CACNA2D1: variants seen among roughly 807,000 people sequenced by gnomAD.
CACNA2D1 encodes calcium voltage-gated channel auxiliary subunit alpha2delta 1.
Under a neutral mutation model 171.5 loss-of-function variants are expected in CACNA2D1, and 53 were observed. The ratio of observed to expected loss-of-function variants is 0.31; its 90% confidence interval spans 0.25 to 0.39. CACNA2D1 has a LOEUF of 0.39. Among genes scored for constraint, CACNA2D1 ranks in the 10% least tolerant of loss-of-function variants. The pLI is 1.00. For missense variants in CACNA2D1, 903 were observed against 1,299.8 expected, an observed-to-expected ratio of 0.69 and a Z score of 4.69; for synonymous variants, 442 against 443.1, an observed-to-expected ratio of 1.00 and a Z score of 0.03.
intron 4 of CACNA2D1, among the ~76,000 whole-genome samples, chr7:82,146,789 A>G (rs919890124): frequency 6.6e-6 from 1 of 150,962 alleles, no homozygotes; most frequent in Non-Finnish European, 1.5e-5. Context: ...GAATTTGACA[A>G]CAGCCTGGCC....
chr7:81,982,890 A>G (rs1234973444), intron 23 of CACNA2D1: 1 of 556,170 alleles, frequency 1.8e-6, no homozygotes, highest in Non-Finnish European at 3.2e-6. Context: ...TTTCTGATCT[A>G]ACCCTACTAT....
intron 38 of CACNA2D1, among the ~76,000 whole-genome samples, chr7:81,955,980 A>ATATATT (rs58075516): frequency 8.7e-4 from 30 of 34,554 alleles, no homozygotes; most frequent in South Asian, 1.5e-3. Flanking sequence ...ATATATATAT[A>ATATATT]TTTTTTTTTT....
intron 1 of CACNA2D1, among the ~76,000 whole-genome samples, chr7:82,429,166 T>C (rs1259852953): frequency 1.3e-5 from 2 of 152,240 alleles, no homozygotes; most frequent in South Asian, 2.1e-4. Flanking sequence ...TAATGTTTTC[T>C]AAATGTATAT....
chr7:82,162,577 T>A (rs1157377067), intron 4 of CACNA2D1, among the ~76,000 whole-genome samples: 1 of 152,052 alleles, frequency 6.6e-6, no homozygotes, highest in Non-Finnish European at 1.5e-5. Context: ...AGCTACAAAC[T>A]TCTTAAGAAC....
At chr7:82,212,623 G>T (rs1463419747) in intron 3 of CACNA2D1, among the ~76,000 whole-genome samples, 2 of 152,188 alleles carry the variant, frequency 1.3e-5, no homozygotes, top group African/African-American at 4.8e-5. Context: ...AGATATGGAT[G>T]CATTTTATGT....
intron 3 of CACNA2D1, among the ~76,000 whole-genome samples, chr7:82,223,274 G>A (rs1442080849): frequency 6.6e-6 from 1 of 152,048 alleles, no homozygotes; most frequent in African/African-American, 2.4e-5. Context: ...AAGAAGTTTT[G>A]TACTTCCAAA....
At chr7:82,248,978 G>A (rs962031890) in intron 3 of CACNA2D1, among the ~76,000 whole-genome samples, 4 of 151,984 alleles carry the variant, frequency 2.6e-5, no homozygotes, top group East Asian at 1.9e-4. Flanking sequence ...TTAGCTGGGC[G>A]TGGTGGCAGG....
chr7:82,005,880 T>A, intron 16 of CACNA2D1, 41 bp from the exon 17 acceptor site: 2 of 1,060,452 alleles, frequency 1.9e-6, no homozygotes, highest in Non-Finnish European at 3.0e-6. Context: ...ATGTCAAAAA[T>A]TTACGTATTT....
chr7:81,982,844 C>T (rs1357223139), intron 23 of CACNA2D1: 1 of 611,866 alleles, frequency 1.6e-6, no homozygotes, highest in Non-Finnish European at 2.9e-6. Flanking sequence ...ACATGGATCC[C>T]CACAGTTATT....
At chr7:82,233,668 A>G (rs766352886) in intron 3 of CACNA2D1, among the ~76,000 whole-genome samples, 1 of 152,116 alleles carries the variant, frequency 6.6e-6, no homozygotes, top group Non-Finnish European at 1.5e-5. Flanking sequence ...CGCATACTAT[A>G]CAGGACCTTT....
intron 1 of CACNA2D1, among the ~76,000 whole-genome samples, chr7:82,440,673 A>C (rs1830433516): frequency 6.6e-6 from 1 of 151,892 alleles, no homozygotes; most frequent in Non-Finnish European, 1.5e-5. Context: ...GAACAGGTTA[A>C]CTACTACTTT....
intron 4 of CACNA2D1, among the ~76,000 whole-genome samples, chr7:82,160,251 G>A (rs55839057): frequency 1.3e-5 from 2 of 151,178 alleles, no homozygotes; most frequent in Non-Finnish European, 3.0e-5. Context: ...GAAAAGGCCA[G>A]ATATTCTTAA....
intron 3 of CACNA2D1, among the ~76,000 whole-genome samples, chr7:82,298,775 A>C (rs570899919): frequency 7.2e-5 from 11 of 152,124 alleles, no homozygotes; most frequent in Admixed American, 1.3e-4. Flanking sequence ...TTAATAAGTA[A>C]AAATAGGCCG....
chr7:82,018,085 T>C (rs1380702497), intron 12 of CACNA2D1, among the ~76,000 whole-genome samples: 2 of 152,206 alleles, frequency 1.3e-5, no homozygotes, highest in Non-Finnish European at 2.9e-5. Flanking sequence ...TCTTTCAAAA[T>C]GTTTGCTTCT....
intron 1 of CACNA2D1, 45 bp downstream of exon 1, chr7:82,443,320 G>C: frequency 6.6e-7 from 1 of 1,513,470 alleles, no homozygotes; most frequent in Non-Finnish European, 8.9e-7. Flanking sequence ...CCCAACTCCC[G>C]CGGCGCCCCT....
chr7:81,980,938 G>T (rs1008042989), intron 24 of CACNA2D1, among the ~76,000 whole-genome samples: 6 of 152,178 alleles, frequency 3.9e-5, no homozygotes, highest in Non-Finnish European at 8.8e-5. Flanking sequence ...TTATTTATAA[G>T]ATGCTAAATC....
intron 12 of CACNA2D1, among the ~76,000 whole-genome samples, chr7:82,031,451 T>G (rs972145206): frequency 1.3e-5 from 2 of 151,920 alleles, no homozygotes; most frequent in African/African-American, 4.8e-5. Flanking sequence ...TATTAACAGC[T>G]CAGTTCATTT....
At chr7:82,345,852 T>C (rs1372847931) in intron 2 of CACNA2D1, among the ~76,000 whole-genome samples, 1 of 152,186 alleles carries the variant, frequency 6.6e-6, no homozygotes, top group Non-Finnish European at 1.5e-5. Context: ...CCATCTCTGT[T>C]AATACAGCTT....
intron 16 of CACNA2D1, 37 bp downstream of exon 16, chr7:82,007,642 C>T: frequency 9.5e-7 from 1 of 1,049,132 alleles, no homozygotes; most frequent in Non-Finnish European, 1.5e-6. Flanking sequence ...CACAGTTTGT[C>T]ATTTATTATT....
Sources: allele counts gnomAD v4.1 joint callset (sites outside exome capture counted in the v4.1 genomes callset), GRCh38; gene constraint gnomAD v4.1.1; transcripts MANE v1.5; gene names NCBI Gene and HGNC (gene_info 2026-07-23, HGNC 2026-07-21).